COX10: variants seen among roughly 807,000 people sequenced by gnomAD.
COX10 encodes cytochrome c oxidase assembly factor heme A:farnesyltransferase COX10.
COX10 carries 27 observed loss-of-function variants against 37.3 expected under a neutral mutation model. The observed-to-expected ratio is 0.72, with a 90% CI of 0.53 to 1.00. The LOEUF is 1.00. COX10 is among the 50% of genes least tolerant of loss of function. The pLI is 0.00. For missense variants in COX10, 475 were observed against 563.2 expected (o/e 0.84, Z 1.59); for synonymous variants, 222 against 229.1 (o/e 0.97, Z 0.28).
At chr17:14,095,955 G>A (rs1915641045) in intron 3 of COX10, among the ~76,000 whole-genome samples, 1 of 152,146 alleles carries the variant, frequency 6.6e-6, no homozygotes, top group Non-Finnish European at 1.5e-5. Flanking sequence ...ATGGAACTAG[G>A]TAATTTATAA....
intron 4 of COX10, among the ~76,000 whole-genome samples, chr17:14,156,813 A>G: frequency 6.6e-6 from 1 of 152,186 alleles, no homozygotes; most frequent in South Asian, 2.1e-4. Flanking sequence ...CTGGACTCCC[A>G]TAATCCTTTG....
Position 14,102,188 on chromosome 17 carries a change from G to A in COX10, c.570G>A (p.Leu190=), listed in dbSNP as rs1915797807. 6.2e-7 allele frequency: 1 copy of A among 1,613,688 alleles called. No individual in the cohort carries two copies. Among genetic ancestry groups the A allele is most frequent in the Non-Finnish European group, 8.5e-7 (1 of 1,179,758 alleles). The change falls in exon 4 of 7, where the codon CTG becomes CTA. Residue 190 remains leucine (L), a synonymous_variant. Coordinates refer to ENST00000261643, the MANE Select transcript of COX10 (RefSeq NM_001303.4). The part of the protein sequence containing the change: ...APGPFDWPCF[L]LTSVGTGLAS... ...GCCCTTTTGACTGGCCCTGTTTCCT[G>A]CTTACTTCTGTTGGGACAGGCCTTG...
At chr17:14,117,606 C>T (rs184393126) in intron 4 of COX10, among the ~76,000 whole-genome samples, 5 of 152,150 alleles carry the variant, frequency 3.3e-5, no homozygotes, top group African/African-American at 4.8e-5. Flanking sequence ...TGCTCAAACC[C>T]GGAGGGGGAA....
chr17:14,161,618 A>G (rs1283266196), intron 5 of COX10, among the ~76,000 whole-genome samples: 2 of 152,196 alleles, frequency 1.3e-5, no homozygotes, highest in African/African-American at 4.8e-5. Context: ...TTGGTGGGTA[A>G]CATCCAGCTG....
chr17:14,122,854 A>G (rs1421516854), intron 4 of COX10, among the ~76,000 whole-genome samples: 4 of 152,208 alleles, frequency 2.6e-5, no homozygotes. Context: ...TCCTACCTGT[A>G]CCCAAAGAAA....
intron 4 of COX10, among the ~76,000 whole-genome samples, chr17:14,144,269 T>C (rs898022640): frequency 6.6e-6 from 1 of 152,188 alleles, no homozygotes; most frequent in Non-Finnish European, 1.5e-5. Flanking sequence ...GTTTGTTTTT[T>C]GTTTGTTTGT....
intron 2 of COX10, among the ~76,000 whole-genome samples, chr17:14,075,709 G>A (rs914231212): frequency 4.6e-5 from 7 of 151,976 alleles, no homozygotes; most frequent in Admixed American, 2.6e-4. Flanking sequence ...TCATTCAGCC[G>A]GCCAGGCGCT....
intron 1 of COX10, 91 bp downstream of exon 1, chr17:14,069,739 G>A: frequency 1.3e-6 from 2 of 1,548,874 alleles, no homozygotes; most frequent in Non-Finnish European, 1.8e-6. Context: ...GCAACCTTGG[G>A]GAGCCCTTGG....
At chr17:14,118,991 G>A (rs913812009) in intron 4 of COX10, among the ~76,000 whole-genome samples, 2 of 150,736 alleles carry the variant, frequency 1.3e-5, no homozygotes, top group African/African-American at 4.9e-5. Context: ...TAGTAGGATT[G>A]TTTTTTTCAA....
At chr17:14,156,684 C>G (rs1905047149) in intron 4 of COX10, among the ~76,000 whole-genome samples, 1 of 152,174 alleles carries the variant, frequency 6.6e-6, no homozygotes, top group Non-Finnish European at 1.5e-5. Flanking sequence ...GCTTGTCCCT[C>G]CTACCCTATG....
chr17:14,075,941 G>A (rs1227161379), intron 2 of COX10, among the ~76,000 whole-genome samples: 3 of 145,870 alleles, frequency 2.1e-5, no homozygotes, highest in African/African-American at 5.1e-5. Flanking sequence ...GCAGTGAGCC[G>A]AGATCCTGCC....
chr17:14,187,168 G>A (rs150913833), intron 5 of COX10, among the ~76,000 whole-genome samples: 5,868 of 151,824 alleles, frequency 0.039, 168 homozygotes, highest in African/African-American at 0.08. Flanking sequence ...CAGCCTGACA[G>A]TACGTGTCAA....
intron 4 of COX10, among the ~76,000 whole-genome samples, chr17:14,108,420 G>T (rs1015622342): frequency 1.3e-5 from 2 of 152,218 alleles, no homozygotes; most frequent in East Asian, 3.9e-4. Context: ...TGTTCTCAGC[G>T]ACTTTACTTT....
At chr17:14,189,387 A>G (rs953447118) in intron 5 of COX10, among the ~76,000 whole-genome samples, 4 of 152,192 alleles carry the variant, frequency 2.6e-5, no homozygotes, top group Non-Finnish European at 5.9e-5. Context: ...TTTAATCTTC[A>G]ACATCATCTG....
chr17:14,099,881 T>G (rs1401144124), intron 3 of COX10, among the ~76,000 whole-genome samples: 1 of 152,060 alleles, frequency 6.6e-6, no homozygotes, highest in Non-Finnish European at 1.5e-5. Flanking sequence ...TAAGGCCAGC[T>G]AGCTTCATCA....
intron 6 of COX10, among the ~76,000 whole-genome samples, chr17:14,204,334 G>A (rs1906631542): frequency 6.6e-6 from 1 of 151,836 alleles, no homozygotes; most frequent in South Asian, 2.1e-4. Context: ...ATCTCAGACT[G>A]AACACACCCA....
chr17:14,134,480 C>A (rs1208916762), intron 4 of COX10, among the ~76,000 whole-genome samples: 1 of 151,670 alleles, frequency 6.6e-6, no homozygotes, highest in African/African-American at 2.4e-5. Context: ...TGAAAAGCAT[C>A]CGCCTTTGTC....
intron 5 of COX10, 48 bp downstream of exon 5, chr17:14,159,995 G>C (rs369503902): frequency 4.0e-6 from 6 of 1,516,788 alleles, no homozygotes; most frequent in Non-Finnish European, 5.5e-6. Flanking sequence ...ACATTCATTT[G>C]CTTGTTCATC....
intron 3 of COX10, among the ~76,000 whole-genome samples, chr17:14,089,467 C>G (rs1041212349): frequency 1.3e-5 from 2 of 152,112 alleles, no homozygotes; most frequent in Admixed American, 1.3e-4. Flanking sequence ...CTGGACTGTC[C>G]AACAGAGCTA....
Sources: gnomAD v4.1 joint callset for allele counts (sites outside exome capture counted in the v4.1 genomes callset) on GRCh38, gnomAD v4.1.1 for gene constraint, MANE v1.5 for transcripts, NCBI Gene and HGNC (gene_info 2026-07-23, HGNC 2026-07-21) for gene names.